GRID2: variants seen among roughly 807,000 people sequenced by gnomAD.
The protein encoded by GRID2 is glutamate receptor ionotropic, delta-2.
In GRID2, 33 loss-of-function variants were observed where a neutral mutation model predicts 114.8. That is an observed-to-expected ratio of 0.29 (90% CI 0.22 to 0.38). GRID2 has a LOEUF of 0.38. Ranked by LOEUF, GRID2 falls within the 10% of genes least tolerant of loss-of-function variation. GRID2 has a pLI of 1.00. For missense variants in GRID2, 1,184 were observed against 1,257.7 expected, an observed-to-expected ratio of 0.94 and a Z score of 0.89; for synonymous variants, 505 against 449.9, an observed-to-expected ratio of 1.12 and a Z score of -1.55.
intron 2 of GRID2, among the ~76,000 whole-genome samples, chr4:92,934,862 C>A (rs1162679171): frequency 4.8e-5 from 7 of 147,000 alleles, no homozygotes; most frequent in African/African-American, 1.7e-4. Flanking sequence ...TGGATCCCTT[C>A]CTTACACCTT....
rs544341562 is a variant in GRID2, at chr4:93,223,070, C to T, written c.964-1544C>T. 2.6e-5 allele frequency among the ~76,000 whole-genome samples: 4 copies of T among 152,240 alleles called. No individual in the cohort carries two copies. The South Asian group carries it at 8.3e-4, about 32-fold the overall frequency. ...AAGGTTGTGTATTATTTTGATTTCC[C>T]TGGGCATGTATCCTTCATGTAACTT... On this transcript the variant is annotated intron_variant, in intron 6 of 15. Coordinates refer to ENST00000282020, the MANE Select transcript of GRID2 (RefSeq NM_001510.4).
At chr4:92,832,867 T>C (rs1240489923) in intron 2 of GRID2, among the ~76,000 whole-genome samples, 15 of 152,188 alleles carry the variant, frequency 9.9e-5, no homozygotes, top group Non-Finnish European at 4.4e-5. Flanking sequence ...TCCAAGTGGA[T>C]ATAGTAATGA....
intron 2 of GRID2, among the ~76,000 whole-genome samples, chr4:92,939,229 G>C (rs910692062): frequency 6.8e-6 from 1 of 147,184 alleles, no homozygotes; most frequent in African/African-American, 2.4e-5. Context: ...AGCACCTGTT[G>C]TTTCCTGACA....
intron 1 of GRID2, among the ~76,000 whole-genome samples, chr4:92,375,055 T>C (rs961528618): frequency 6.6e-6 from 1 of 152,074 alleles, no homozygotes; most frequent in Non-Finnish European, 1.5e-5. Context: ...GCCATGACAG[T>C]GTAGAGTGCA....
intron 1 of GRID2, among the ~76,000 whole-genome samples, chr4:92,386,786 A>G (rs1383251787): frequency 6.6e-6 from 1 of 151,882 alleles, no homozygotes. Context: ...CAATTAATAC[A>G]AAATATTTTT....
intron 1 of GRID2, among the ~76,000 whole-genome samples, chr4:92,393,251 C>T (rs1005385566): frequency 6.6e-6 from 1 of 152,124 alleles, no homozygotes; most frequent in Non-Finnish European, 1.5e-5. Context: ...CTACCTCCAG[C>T]TTTGGGGATT....
chr4:92,903,820 G>C (rs758861004), intron 2 of GRID2, among the ~76,000 whole-genome samples: 1 of 151,892 alleles, frequency 6.6e-6, no homozygotes, highest in Admixed American at 6.6e-5. Context: ...GATAAAATCT[G>C]ATTTACATAC....
intron 2 of GRID2, among the ~76,000 whole-genome samples, chr4:92,853,561 TC>T (rs932866538): frequency 2.0e-5 from 3 of 152,028 alleles, no homozygotes; most frequent in African/African-American, 7.2e-5. Context: ...ACACATGACT[TC>T]CTTTTTTTAT....
intron 2 of GRID2, among the ~76,000 whole-genome samples, chr4:93,030,466 C>T (rs774999972): frequency 1.3e-4 from 20 of 151,594 alleles, no homozygotes; most frequent in Non-Finnish European, 2.8e-4. Flanking sequence ...CTCACTGCAA[C>T]CTCTCCCTCC....
At chr4:93,791,123 G>A (rs1484407846) in intron 1 of GRID2, among the ~76,000 whole-genome samples, 9 of 152,102 alleles carry the variant, frequency 5.9e-5, no homozygotes. Flanking sequence ...ATCTTTCTTA[G>A]AGAGATGTAC....
chr4:92,321,107 A>C (rs1304520843), intron 1 of GRID2, among the ~76,000 whole-genome samples: 6 of 152,222 alleles, frequency 3.9e-5, no homozygotes, highest in Admixed American at 3.9e-4. Flanking sequence ...TTCTTTAGTT[A>C]CATTTTCTCT....
rs1578632334 is a variant in GRID2 at position 92,968,618 on chromosome 4, T to A, written c.245-116377T>A. ...GAGGTAATTTAGAAAACTTAAAAAA[T>A]ACATCATTCAATGGCTTTAATAGAT... On this transcript the variant is annotated intron_variant, in intron 2 of 15. Transcript: ENST00000282020. Among the ~76,000 whole-genome samples the A allele has an allele frequency of 4.6e-5, 7 of 152,066 alleles. 1 individual carries two copies. The highest frequency in any genetic ancestry group is 4.6e-4 in the Admixed American group (7 of 15,222).
rs1428548512 is a variant in GRID2 at position 93,197,513 on chromosome 4, CTAT to C, written c.736-9882_736-9880del. On this transcript the variant is annotated intron_variant, in intron 4 of 15. Transcript: ENST00000282020. Reference sequence around the variant, plus strand: ...AGCACTCAACAAATATTAGCTTATACTATTATTATTAATGACATACTGTAAATA... The same window carrying C: ...AGCACTCAACAAATATTAGCTTATACTATTATTAATGACATACTGTAAATA... Among the ~76,000 whole-genome samples the C allele has an allele frequency of 6.6e-5, 10 of 152,162 alleles. No homozygotes were observed. The East Asian group carries it at 9.7e-4, about 15-fold the overall frequency.
chr4:92,991,398 G>T (rs935196157), intron 2 of GRID2, among the ~76,000 whole-genome samples: 1 of 152,166 alleles, frequency 6.6e-6, no homozygotes, highest in African/African-American at 2.4e-5. Flanking sequence ...GACGATAAGT[G>T]TGAAATCATG....
chr4:93,330,593 A>T (rs1758318300), intron 8 of GRID2, among the ~76,000 whole-genome samples: 1 of 152,162 alleles, frequency 6.6e-6, no homozygotes, highest in African/African-American at 2.4e-5. Context: ...AATTTACAAA[A>T]TAAAAACCAA....
At chr4:93,063,917 T>C (rs1471287380) in intron 2 of GRID2, among the ~76,000 whole-genome samples, 1 of 151,444 alleles carries the variant, frequency 6.6e-6, no homozygotes, top group Non-Finnish European at 1.5e-5. Context: ...TTTCTAAATA[T>C]ATTTTGTTTA....
intron 11 of GRID2, among the ~76,000 whole-genome samples, chr4:93,470,904 T>C (rs1429505253): frequency 1.4e-5 from 2 of 140,112 alleles, no homozygotes; most frequent in East Asian, 4.0e-4. Context: ...TTTTCTTTTC[T>C]GTTATGATAT....
intron 13 of GRID2, among the ~76,000 whole-genome samples, chr4:93,553,618 T>G (rs1466198594): frequency 1.3e-5 from 2 of 152,200 alleles, no homozygotes; most frequent in Admixed American, 6.5e-5. Flanking sequence ...ATGAGTTCAT[T>G]AAATTATCTC....
Position 93,422,948 on chromosome 4 carries a change from G to T in GRID2, c.1525G>T (p.Val509Leu), listed in dbSNP as rs772481587. 30 of 1,609,180 alleles carry T rather than the reference G, an allele frequency of 1.9e-5. No homozygotes were observed. The highest frequency in any genetic ancestry group is 1.4e-5 in the Non-Finnish European group (16 of 1,175,692). ...PQEDGTWNGLVGELVFKRADI... is the reference protein window; with the variant it reads ...PQEDGTWNGLLGELVFKRADI... The stretch of plus-strand genomic sequence containing the variant: ...AGAAGATGGGACATGGAATGGCTTG[G>T]TAGGAGAACTTGTCTTTAAGGTAAG... Residue 509 changes from valine to leucine, a missense_variant, in exon 10 of 16, where the codon GTA becomes TTA. By Grantham distance (32) the Val-to-Leu change is conservative. This residue lies in a region of GRID2 where 717 missense variants were observed against 796.9 expected (regional missense o/e 0.90). Transcript: ENST00000282020.
Sources: gnomAD v4.1 joint callset for allele counts (sites outside exome capture counted in the v4.1 genomes callset) on GRCh38, gnomAD v4.1.1 for gene constraint, gnomAD v4.1.1 regional missense constraint, MANE v1.5 for transcripts, NCBI Gene and HGNC (gene_info 2026-07-23, HGNC 2026-07-21) for gene names.